The following NUP210 variants were observed in gnomAD, a reference collection of about 807,000 sequenced individuals.
NUP210 encodes nucleoporin 210, also known as nuclear pore membrane glycoprotein 210.
Under a neutral mutation model 196.0 loss-of-function variants are expected in NUP210, and 151 were observed. The ratio of observed to expected loss-of-function variants is 0.77; its 90% confidence interval spans 0.67 to 0.88. The LOEUF (loss-of-function observed/expected upper bound fraction) is 0.88, where lower values mean the gene tolerates loss of function less well. Ranked by LOEUF, NUP210 falls within the 40% of genes least tolerant of loss-of-function variation. NUP210 has a pLI of 0.00. For synonymous variants in NUP210, 1,070 were observed against 1,052.7 expected, an observed-to-expected ratio of 1.02 and a Z score of -0.32; for missense variants, 2,314 against 2,493.7, an observed-to-expected ratio of 0.93 and a Z score of 1.53.
In NUP210 at chr3:13,354,247, A is replaced by G. The variant is rs1215512161; in HGVS notation, c.2329-140T>C. ...GAGGGAATGGGATATGCCAGAAAGC[A>G]ATCCTCACTATTGCCACCCACCAGG... On this transcript the variant is annotated intron_variant, in intron 16 of 39. Coordinates refer to ENST00000254508, the MANE Select transcript of NUP210 (RefSeq NM_024923.4). 5 of 716,078 alleles carry G rather than the reference A, an allele frequency of 7.0e-6. No individual in the cohort carries two copies. The East Asian group carries it at 1.4e-4, about 20-fold the overall frequency. The allele number at this position is 716,078 out of a possible 1,614,324, so 44.4% of individuals were successfully genotyped here.
intron 33 of NUP210, among the ~76,000 whole-genome samples, chr3:13,324,105 A>G (rs566962173): frequency 6.6e-6 from 1 of 152,284 alleles, no homozygotes; most frequent in South Asian, 2.1e-4. Flanking sequence ...GCAGAGCTGT[A>G]GGTGACCAGG....
chr3:13,335,593 G>T lies in NUP210; in HGVS notation c.3704C>A (p.Ser1235Ter). The T allele has an allele frequency of 1.1e-5, 17 of 1,614,086 alleles. No homozygotes were observed. The highest frequency in any genetic ancestry group is 1.4e-5 in the Non-Finnish European group (16 of 1,180,034). ...RHHEASIRLPSQYNFAMNVLG... is the reference protein window; with the variant it reads ...RHHEASIRLP ...CACGTTCATGGCAAAGTTGTACTGT[G>T]ACGGGAGTCGGATCGACGCCTGGGA... The change falls in exon 28 of 40, where the codon TCA (serine) becomes TAA (stop). Residue 1235 changes from serine to a stop codon, truncating the protein, a stop_gained. Transcript: ENST00000254508. LOFTEE classifies it high-confidence loss of function.
At chr3:13,419,581 C>G (rs1416191225) in intron 1 of NUP210, among the ~76,000 whole-genome samples, 1 of 152,238 alleles carries the variant, frequency 6.6e-6, no homozygotes, top group Middle Eastern at 3.2e-3. Flanking sequence ...GTCTCCGTTC[C>G]TCCCCGCGAC....
intron 29 of NUP210, among the ~76,000 whole-genome samples, chr3:13,331,495 A>T (rs754577104): frequency 6.6e-6 from 1 of 152,090 alleles, no homozygotes; most frequent in Non-Finnish European, 1.5e-5. Context: ...GAGCATCTCC[A>T]TCTGGGACAT....
At chr3:13,414,472 G>A (rs1257006839) in intron 1 of NUP210, among the ~76,000 whole-genome samples, 1 of 149,824 alleles carries the variant, frequency 6.7e-6, no homozygotes, top group Non-Finnish European at 1.5e-5. Flanking sequence ...CAGGGGCCAG[G>A]GAGAACGAGG....
intron 30 of NUP210, among the ~76,000 whole-genome samples, chr3:13,329,570 GCAGT>G (rs1484178130): frequency 1.3e-5 from 2 of 152,218 alleles, no homozygotes; most frequent in Non-Finnish European, 2.9e-5. Flanking sequence ...AATAGGATGA[GCAGT>G]CAGTCACTTT....
intron 27 of NUP210, among the ~76,000 whole-genome samples, 180 bp from the exon 28 acceptor site, chr3:13,335,792 C>G (rs1323492153): frequency 6.6e-6 from 1 of 152,276 alleles, no homozygotes; most frequent in Non-Finnish European, 1.5e-5. Flanking sequence ...GCTGTGCAGA[C>G]CCGGCTTCCC....
At position 13,350,726 on chromosome 3, in the gene NUP210, C is replaced by T. The variant is rs548212392; in HGVS notation, c.2835+1153G>A. 1.3e-5 allele frequency among the ~76,000 whole-genome samples: 2 copies of T among 148,868 alleles called. No homozygotes were observed. Among genetic ancestry groups the T allele is most frequent in the East Asian group, 3.9e-4 (2 of 5,114 alleles). Reference sequence around the variant, plus strand: ...TTTTTTTTTTTGAGATGGAGTCTCGCCCCGTCGCCCAGGCTGGAGTGCAGT... The same window carrying T: ...TTTTTTTTTTTGAGATGGAGTCTCGTCCCGTCGCCCAGGCTGGAGTGCAGT... On this transcript the variant is annotated intron_variant, in intron 20 of 39. Transcript: ENST00000254508. This position sits in a 1 kb window ranked among gnomAD's most constrained non-coding sequence, Gnocchi z 4.1.
rs1697288594 is a variant in NUP210 at position 13,337,915 on chromosome 3, G to A, written c.3474C>T (p.Asp1158=). Residue 1158 remains aspartate, a splice_region_variant and synonymous_variant, in exon 26 of 40, where the codon GAC becomes GAT. Transcript: ENST00000254508. The part of the protein sequence containing the change: ...ETGKVVIISQ[D]LVQVEVLLLR... ...GCAGCAGCACCTCCACCTGCACGAG[G>A]TCCTGGGGAAACAGGGTGGCACTTA... The A allele has an allele frequency of 6.2e-7, 1 of 1,612,582 alleles. No individual in the cohort carries two copies. Among genetic ancestry groups the A allele is most frequent in the African/African-American group, 1.3e-5 (1 of 75,042 alleles).
chr3:13,375,142 C>CTTTTTTTTTTTTTTTTTTT (rs76945178), intron 11 of NUP210, among the ~76,000 whole-genome samples: 4 of 138,436 alleles, frequency 2.9e-5, no homozygotes, highest in Non-Finnish European at 3.1e-5. Flanking sequence ...TATTTTTTCT[C>CTTTTTTTTTTTTTTTTTTT]TTTTTTTTTT....
At chr3:13,363,281 C>T (rs146749498) in intron 14 of NUP210, among the ~76,000 whole-genome samples, 21 of 152,258 alleles carry the variant, frequency 1.4e-4, no homozygotes, top group African/African-American at 4.6e-4. Context: ...CTGGTGGGCC[C>T]GGGTCTGTTC....
intron 14 of NUP210, among the ~76,000 whole-genome samples, chr3:13,361,557 C>T (rs1698372163): frequency 6.6e-6 from 1 of 152,170 alleles, no homozygotes. Flanking sequence ...GGGATTCACT[C>T]TGAGGGGTCC....
At chr3:13,397,320 G>C (rs958994764) in intron 3 of NUP210, 37 bp downstream of exon 3, 1 of 1,598,800 alleles carries the variant, frequency 6.3e-7, no homozygotes, top group Non-Finnish European at 8.5e-7. Flanking sequence ...GATCTAGCAT[G>C]GGCTGCAGAA....
chr3:13,338,322 G>C (rs558620502), intron 25 of NUP210, among the ~76,000 whole-genome samples: 91 of 152,314 alleles, frequency 6.0e-4, no homozygotes, highest in Non-Finnish European at 1.2e-3. Context: ...GTACAGGGAC[G>C]AATGCAGGAG....
Position 13,341,835 on chromosome 3 carries a change from G to T in NUP210, c.3141C>A (p.Arg1047=), listed in dbSNP as rs749341284. Residue 1047 remains arginine, a synonymous_variant, in exon 23 of 40, where the codon CGC becomes CGA. Transcript: ENST00000254508. ...GACTGGTCTGGCCGATGGCCACACC[G>T]CGGATGAGGAATGTGATGGTGTAGT... ...LDNYTITFLI[R]GVAIGQTSLT... is the part of the protein sequence containing the mutation. 1 of 1,614,186 alleles carries T rather than the reference G, an allele frequency of 6.2e-7. No individual in the cohort carries two copies. The highest frequency in any genetic ancestry group is 1.3e-5 in the African/African-American group (1 of 75,052).
chr3:13,397,240 C>T, intron 3 of NUP210, 117 bp downstream of exon 3: 1 of 1,287,762 alleles, frequency 7.8e-7, no homozygotes, highest in Non-Finnish European at 1.0e-6. Flanking sequence ...GAGCTGCCCT[C>T]TAGGGACCTG....
In NUP210 at chr3:13,322,751, C is replaced by T. The variant is rs75297938; in HGVS notation, c.4769-412G>A. ...GCAACGGCACAGTGCTGTCCACTTGCGCTGAGGAAGGAGCAGAGGCTGCCA... is the reference window on the plus strand; with the variant it reads ...GCAACGGCACAGTGCTGTCCACTTGTGCTGAGGAAGGAGCAGAGGCTGCCA... On this transcript the variant is annotated intron_variant, in intron 34 of 39. Coordinates refer to ENST00000254508, the MANE Select transcript of NUP210 (RefSeq NM_024923.4). Among the ~76,000 whole-genome samples, 28 of 152,360 alleles carry T rather than the reference C, an allele frequency of 1.8e-4. No individual in the cohort carries two copies. The East Asian group carries it at 4.8e-3, about 26-fold the overall frequency.
chr3:13,369,793 G>C (rs1243547718), intron 13 of NUP210, among the ~76,000 whole-genome samples: 2 of 152,216 alleles, frequency 1.3e-5, no homozygotes, highest in African/African-American at 4.8e-5. Context: ...ACCGTGTTGA[G>C]AGAGTTACAG....
At chr3:13,371,766 A>C in intron 13 of NUP210, 68 bp downstream of exon 13, 1 of 1,444,686 alleles carries the variant, frequency 6.9e-7, no homozygotes, top group South Asian at 1.2e-5. Context: ...CTGGCGGTCC[A>C]TGCTGAGAAC....
Sources: allele counts gnomAD v4.1 joint callset (sites outside exome capture counted in the v4.1 genomes callset), GRCh38; gene constraint gnomAD v4.1.1; non-coding constraint Gnocchi (gnomAD v3.1); transcripts MANE v1.5; gene names NCBI Gene and HGNC (gene_info 2026-07-23, HGNC 2026-07-21).